ADD2: variants seen among roughly 807,000 people sequenced by gnomAD.
ADD2 encodes the protein beta-adducin.
ADD2 carries 23 observed loss-of-function variants against 83.0 expected under a neutral mutation model. That is an observed-to-expected ratio of 0.28 (90% CI 0.20 to 0.39). ADD2 has a LOEUF of 0.39. Ranked by LOEUF, ADD2 falls within the 10% of genes least tolerant of loss-of-function variation. ADD2 has a pLI of 1.00. For synonymous variants in ADD2, 375 were observed against 375.4 expected, an observed-to-expected ratio of 1.00 and a Z score of 0.01; for missense variants, 758 against 944.9, an observed-to-expected ratio of 0.80 and a Z score of 2.59.
intron 1 of ADD2, among the ~76,000 whole-genome samples, chr2:70,715,524 G>A (rs1478271535): frequency 3.3e-5 from 5 of 152,122 alleles, no homozygotes; most frequent in African/African-American, 4.8e-5. Context: ...AGCACCAGAG[G>A]CACAGCCCCT....
intron 1 of ADD2, among the ~76,000 whole-genome samples, chr2:70,765,928 A>C (rs1330763622): frequency 6.6e-6 from 1 of 152,220 alleles, no homozygotes; most frequent in Non-Finnish European, 1.5e-5. Flanking sequence ...ATAAATAAAT[A>C]TATCTACTAG....
At position 70,676,983 on chromosome 2, in the gene ADD2, C is replaced by T. The variant is rs1232988657; in HGVS notation, c.1504-98G>A. 1.6e-5 allele frequency: 24 copies of T among 1,510,440 alleles called. No individual in the cohort carries two copies. Among genetic ancestry groups the T allele is most frequent in the Non-Finnish European group, 2.0e-5 (23 of 1,126,030 alleles). 93.6% of individuals were successfully genotyped at this position (1,510,440 alleles called of 1,614,324 possible). On this transcript the variant is annotated intron_variant, in intron 12 of 15. Coordinates refer to ENST00000264436, the MANE Select transcript of ADD2 (RefSeq NM_001617.4). The surrounding 1 kb of genome is among the most constrained non-coding windows in gnomAD (Gnocchi z 4.8). ...GGTGTGCCTGGGGTCTAGAAAGGTC[C>T]TCTAGCGGTGTGGGAGCCCGTCACC... is the stretch of plus-strand genomic sequence containing the variant.
intron 15 of ADD2, among the ~76,000 whole-genome samples, chr2:70,669,255 G>A (rs1236569722): frequency 1.3e-5 from 2 of 152,046 alleles, no homozygotes; most frequent in Admixed American, 6.6e-5. Flanking sequence ...ATCCGTGTCT[G>A]AAAGAATCAC....
chr2:70,737,899 CT>C (rs1673670297), intron 1 of ADD2, among the ~76,000 whole-genome samples: 1 of 152,112 alleles, frequency 6.6e-6, no homozygotes, highest in African/African-American at 2.4e-5. Flanking sequence ...CAGCCTGCCC[CT>C]GATCTTCACT....
At chr2:70,729,209 C>T (rs1043631667) in intron 1 of ADD2, among the ~76,000 whole-genome samples, 4 of 152,206 alleles carry the variant, frequency 2.6e-5, no homozygotes, top group East Asian at 3.9e-4. Flanking sequence ...ATACCTCCTC[C>T]GTGGCCCCAG....
intron 2 of ADD2, among the ~76,000 whole-genome samples, chr2:70,711,730 A>G (rs969639065): frequency 6.6e-6 from 1 of 152,214 alleles, no homozygotes; most frequent in Non-Finnish European, 1.5e-5. Flanking sequence ...CTATGGATGC[A>G]TCTCTTCCAT....
intron 1 of ADD2, among the ~76,000 whole-genome samples, chr2:70,738,957 T>C (rs1297825094): frequency 6.6e-6 from 1 of 152,130 alleles, no homozygotes; most frequent in Non-Finnish European, 1.5e-5. Context: ...ACCTAGGTAA[T>C]ACCATTCTGG....
chr2:70,745,046 G>A (rs371381262), intron 1 of ADD2, among the ~76,000 whole-genome samples: 8 of 152,162 alleles, frequency 5.3e-5, no homozygotes, highest in African/African-American at 1.9e-4. Flanking sequence ...CAGCACTTTG[G>A]GAGGCCGAGG....
At chr2:70,737,045 G>C (rs1293235249) in intron 1 of ADD2, among the ~76,000 whole-genome samples, 9 of 152,082 alleles carry the variant, frequency 5.9e-5, no homozygotes, top group Non-Finnish European at 8.8e-5. Flanking sequence ...ACACCAGTTA[G>C]AATGGCGATC....
Position 70,676,958 on chromosome 2 carries a change from G to T in ADD2, c.1504-73C>A. 2 of 1,565,016 alleles carry T rather than the reference G, an allele frequency of 1.3e-6. No homozygotes were observed. Among genetic ancestry groups the T allele is most frequent in the Non-Finnish European group, 1.7e-6 (2 of 1,151,378 alleles). ...CGTGGAGTTTGGGAGGGGGCATACG[G>T]GTGTGCCTGGGGTCTAGAAAGGTCC... On this transcript the variant is annotated intron_variant, in intron 12 of 15. Transcript: ENST00000264436. The surrounding 1 kb of genome is among the most constrained non-coding windows in gnomAD (Gnocchi z 4.8).
Position 70,663,658 on chromosome 2 carries a change from T to G in ADD2, c.1948A>C (p.Asn650His). Reference sequence around the variant, plus strand: ...GCCGTCTGCTCCTCCTCCCTCCCGTTGACCACCACCCCTTCCGGCTGGGTT... The same window carrying G: ...GCCGTCTGCTCCTCCTCCCTCCCGTGGACCACCACCCCTTCCGGCTGGGTT... ...ETTQPEGVVV[N>H]GREEEQTAEE... The change falls in exon 16 of 16, where the codon AAC becomes CAC. Residue 650 changes from asparagine to histidine, a missense_variant. By Grantham distance (68) the Asn-to-His change is moderately conservative (BLOSUM62 1). Coordinates refer to ENST00000264436, the MANE Select transcript of ADD2 (RefSeq NM_001617.4). 1 of 1,614,152 alleles carries G rather than the reference T, an allele frequency of 6.2e-7. No homozygotes were observed. The highest frequency in any genetic ancestry group is 1.1e-5 in the South Asian group (1 of 91,078).
intron 4 of ADD2, 54 bp downstream of exon 4, chr2:70,704,263 TCCCC>T: frequency 8.8e-6 from 8 of 913,232 alleles, no homozygotes; most frequent in East Asian, 5.9e-5. Flanking sequence ...CTCCCTCTCT[TCCCC>T]ACCCCACCCT....
intron 1 of ADD2, among the ~76,000 whole-genome samples, chr2:70,761,734 C>T (rs1675112992): frequency 6.7e-6 from 1 of 149,084 alleles, no homozygotes; most frequent in Non-Finnish European, 1.5e-5. Context: ...TGCAGTGGTG[C>T]AATCTCGGCT....
chr2:70,713,546 G>A (rs1161305985), intron 1 of ADD2, among the ~76,000 whole-genome samples: 2 of 152,192 alleles, frequency 1.3e-5, no homozygotes, highest in East Asian at 1.9e-4. Context: ...GGGAGGTGGA[G>A]GTTGCAGTGA....
intron 1 of ADD2, among the ~76,000 whole-genome samples, chr2:70,715,748 A>G (rs1553376241): frequency 6.6e-6 from 1 of 152,054 alleles, no homozygotes; most frequent in African/African-American, 2.4e-5. Context: ...CACACACCGC[A>G]GCCTCCCCAG....
intron 6 of ADD2, among the ~76,000 whole-genome samples, chr2:70,694,946 T>C (rs1157211806): frequency 6.6e-6 from 1 of 151,952 alleles, no homozygotes; most frequent in Non-Finnish European, 1.5e-5. Flanking sequence ...GGCCATCATC[T>C]CCTTGGGTAG....
intron 4 of ADD2, 56 bp downstream of exon 4, chr2:70,704,265 C>CCCCCCCCCCCCCCCCCCCCCCAA: frequency 2.3e-6 from 1 of 442,438 alleles, no homozygotes; most frequent in Non-Finnish European, 4.5e-6. Flanking sequence ...CCCTCTCTTC[C>CCCCCCCCCCCCCCCCCCCCCCAA]CCACCCCACC....
At chr2:70,708,579 TAATCTG>T (rs1672020859) in intron 2 of ADD2, among the ~76,000 whole-genome samples, 1 of 152,186 alleles carries the variant, frequency 6.6e-6, no homozygotes, top group Non-Finnish European at 1.5e-5. Context: ...AAACCTCACA[TAATCTG>T]ACTCTCACAT....
chr2:70,679,305 C>CG (rs1362879891), intron 10 of ADD2, among the ~76,000 whole-genome samples: 2 of 152,174 alleles, frequency 1.3e-5, no homozygotes, highest in African/African-American at 4.8e-5. Context: ...ACTAGAATCA[C>CG]GGGGGGAGCT....
Sources: allele counts gnomAD v4.1 joint callset (sites outside exome capture counted in the v4.1 genomes callset), GRCh38; gene constraint gnomAD v4.1.1; non-coding constraint Gnocchi (gnomAD v3.1); transcripts MANE v1.5; gene names NCBI Gene and HGNC (gene_info 2026-07-23, HGNC 2026-07-21).